Variants in NGEF observed in about 807,000 individuals in gnomAD.
The protein encoded by NGEF is neuronal guanine nucleotide exchange factor.
NGEF carries 31 observed loss-of-function variants against 80.9 expected under a neutral mutation model. The observed-to-expected ratio is 0.38, with a 90% CI of 0.29 to 0.52. The LOEUF (loss-of-function observed/expected upper bound fraction) is 0.52, where lower values mean the gene tolerates loss of function less well. NGEF is among the 20% of genes least tolerant of loss of function. The pLI is 0.84. For synonymous variants in NGEF, 371 were observed against 370.2 expected, an observed-to-expected ratio of 1.00 and a Z score of -0.03; for missense variants, 709 against 926.2, an observed-to-expected ratio of 0.77 and a Z score of 3.04.
At chr2:232,932,182 T>TTTTTTTTA (rs1693228973) in intron 3 of NGEF, among the ~76,000 whole-genome samples, 1 of 150,148 alleles carries the variant, frequency 6.7e-6, no homozygotes, top group East Asian at 1.9e-4. Context: ...TTTTTTTTTT[T>TTTTTTTTA]GAGACAGAAT....
In NGEF at chr2:232,891,403, G is replaced by A. The variant is rs193060046; in HGVS notation, c.1227C>T (p.Leu409=). 6.2e-7 allele frequency: 1 copy of A among 1,613,674 alleles called. No homozygotes were observed. The highest frequency in any genetic ancestry group is 1.3e-5 in the African/African-American group (1 of 75,078). The change falls in exon 8 of 15, where the codon CTC becomes CTT. Residue 409 remains leucine, a synonymous_variant. Transcript: ENST00000264051. ...KCRGLPFSSF[L]ILPFQRITRL... is the part of the protein sequence containing the mutation. ...GTGTGATCCTCTGGAAAGGCAGGAT[G>A]AGGAAGGAGGAGAAGGGCAGCCCCC...
chr2:232,949,960 C>T (rs1693645942), intron 3 of NGEF, among the ~76,000 whole-genome samples: 1 of 151,566 alleles, frequency 6.6e-6, no homozygotes, highest in African/African-American at 2.4e-5. Flanking sequence ...TACAGGTGCC[C>T]ACCACCATGC....
intron 1 of NGEF, among the ~76,000 whole-genome samples, chr2:232,996,651 C>T (rs1482281414): frequency 6.6e-6 from 1 of 152,070 alleles, no homozygotes; most frequent in Non-Finnish European, 1.5e-5. Context: ...CGCACCACCA[C>T]GCCTGGCTCA....
chr2:232,885,543 T>C (rs529361451), intron 9 of NGEF, 174 bp from the exon 10 acceptor site: 3 of 600,326 alleles, frequency 5.0e-6, no homozygotes, highest in Non-Finnish European at 8.9e-6. Flanking sequence ...TCTAGCACCT[T>C]GTGGGGCAAA....
chr2:232,891,272 ACCT>A, intron 8 of NGEF, 83 bp downstream of exon 8: 1 of 1,533,904 alleles, frequency 6.5e-7, no homozygotes, highest in Non-Finnish European at 8.9e-7. Flanking sequence ...GAACCAGTAG[ACCT>A]CCTAGAAAGC....
chr2:232,887,357 A>T (rs1691726038), intron 9 of NGEF, among the ~76,000 whole-genome samples: 1 of 152,186 alleles, frequency 6.6e-6, no homozygotes, highest in South Asian at 2.1e-4. Context: ...AACCTCTAGG[A>T]GGAGCCGTCT....
intron 5 of NGEF, among the ~76,000 whole-genome samples, chr2:232,912,001 C>G (rs1344235788): frequency 1.3e-5 from 2 of 151,976 alleles, no homozygotes; most frequent in African/African-American, 4.8e-5. Flanking sequence ...TTTTTCTTGC[C>G]TTATTGCACT....
chr2:232,927,981 C>A, intron 3 of NGEF: 1 of 1,282,868 alleles, frequency 7.8e-7, no homozygotes, highest in Non-Finnish European at 9.8e-7. Flanking sequence ...GCGCTGAAGG[C>A]AGCGGCCAGC....
chr2:232,994,369 CAAAAAA>C (rs10591943), intron 1 of NGEF, among the ~76,000 whole-genome samples: 25 of 128,958 alleles, frequency 1.9e-4, no homozygotes, highest in Admixed American at 3.1e-4. Context: ...GACTTTGTCT[CAAAAAA>C]AAAAAAAAAA....
At chr2:232,969,636 G>A (rs1451521252) in intron 3 of NGEF, among the ~76,000 whole-genome samples, 1 of 151,606 alleles carries the variant, frequency 6.6e-6, no homozygotes, top group Non-Finnish European at 1.5e-5. Context: ...AGCCTCCCGA[G>A]TAGCTGGGAT....
At chr2:233,000,273 T>G (rs1365553341) in intron 1 of NGEF, among the ~76,000 whole-genome samples, 1 of 152,216 alleles carries the variant, frequency 6.6e-6, no homozygotes, top group East Asian at 1.9e-4. Flanking sequence ...TTTTTTTGTA[T>G]TTTTTGTAGA....
chr2:232,953,513 A>ATT (rs1333097474), intron 3 of NGEF, among the ~76,000 whole-genome samples: 2 of 135,266 alleles, frequency 1.5e-5, no homozygotes, highest in African/African-American at 5.2e-5. Flanking sequence ...TTTTTTTAAA[A>ATT]AAAAAAGAAA....
rs1574628748 is a variant in NGEF, at chr2:232,945,555, C to CTGCCAGCCAAGGAGTGCCAAGGG, written c.384-18392_384-18370dup. Among the ~76,000 whole-genome samples, 3 of 152,268 alleles carry CTGCCAGCCAAGGAGTGCCAAGGG rather than the reference C, an allele frequency of 2.0e-5. No homozygotes were observed. In the East Asian group the frequency reaches 5.8e-4, roughly 29 times the overall value. On this transcript the variant is annotated intron_variant, in intron 3 of 14. Coordinates refer to ENST00000264051, the MANE Select transcript of NGEF (RefSeq NM_019850.3). ...ATTGGAAGAGCTTGGGGTGAGGCATCTGCCAGCCAAGGAGTGCCAAGGGTG... is the reference window on the plus strand; with the variant it reads ...ATTGGAAGAGCTTGGGGTGAGGCATCTGCCAGCCAAGGAGTGCCAAGGGTGCCAGCCAAGGAGTGCCAAGGGTG...
chr2:232,928,349 G>T (rs1693137627), intron 3 of NGEF, among the ~76,000 whole-genome samples: 1 of 150,994 alleles, frequency 6.6e-6, no homozygotes, highest in Non-Finnish European at 1.5e-5. Flanking sequence ...CCGCGCCGCC[G>T]TGCCCCGACC....
In NGEF at chr2:232,892,867, T is replaced by G; in HGVS notation, c.1142+31A>C. The G allele has an allele frequency of 6.2e-7, 1 of 1,604,842 alleles. No homozygotes were observed. The highest frequency in any genetic ancestry group is 8.5e-7 in the Non-Finnish European group (1 of 1,174,700). On this transcript the variant is annotated intron_variant, in intron 7 of 14. Coordinates refer to ENST00000264051, the MANE Select transcript of NGEF (RefSeq NM_019850.3). The surrounding 1 kb of genome is among the most constrained non-coding windows in gnomAD (Gnocchi z 4.0). ...TATGGCTGCCCCGGGCACCTCCCCCTGCCCCTGAGCCCCTTGCCGGATACA... is the reference window on the plus strand; with the variant it reads ...TATGGCTGCCCCGGGCACCTCCCCCGGCCCCTGAGCCCCTTGCCGGATACA...
At chr2:232,889,927 C>T (rs563471050) in intron 8 of NGEF, among the ~76,000 whole-genome samples, 93 of 152,188 alleles carry the variant, frequency 6.1e-4, no homozygotes, top group African/African-American at 2.2e-3. Context: ...TCATGCTCCT[C>T]AGGGCCACAG....
chr2:232,887,593 G>C (rs552266386), intron 9 of NGEF, among the ~76,000 whole-genome samples: 2 of 152,316 alleles, frequency 1.3e-5, no homozygotes, highest in Non-Finnish European at 2.9e-5. Context: ...ACAGGAGGGA[G>C]GAGAGACTGT....
At chr2:232,953,340 GGAAAGAGA>G (rs1693721659) in intron 3 of NGEF, among the ~76,000 whole-genome samples, 1 of 143,930 alleles carries the variant, frequency 6.9e-6, no homozygotes. Context: ...AGAAAAAAAG[GGAAAGAGA>G]GAAAGAAAGA....
chr2:232,909,010 CGTAACTG>C (rs1692638090), intron 5 of NGEF, among the ~76,000 whole-genome samples: 1 of 152,054 alleles, frequency 6.6e-6, no homozygotes, highest in Non-Finnish European at 1.5e-5. Flanking sequence ...AGTAGGAAAC[CGTAACTG>C]GTAGATAACG....
Sources: gnomAD v4.1 joint callset for allele counts (sites outside exome capture counted in the v4.1 genomes callset) on GRCh38, gnomAD v4.1.1 for gene constraint, Gnocchi (gnomAD v3.1) non-coding constraint, MANE v1.5 for transcripts, NCBI Gene and HGNC (gene_info 2026-07-23, HGNC 2026-07-21) for gene names.